The following SGMS1 variants were observed in gnomAD, a reference collection of about 807,000 sequenced individuals.
SGMS1 encodes the protein phosphatidylcholine:ceramide cholinephosphotransferase 1.
A neutral mutation model predicts 46.2 loss-of-function variants in SGMS1; 13 were observed. That is an observed-to-expected ratio of 0.28 (90% CI 0.18 to 0.45). The LOEUF (loss-of-function observed/expected upper bound fraction) is 0.45, where lower values mean the gene tolerates loss of function less well. SGMS1 is among the 20% of genes least tolerant of loss of function. The pLI is 1.00. For synonymous variants in SGMS1, 203 were observed against 187.8 expected, an observed-to-expected ratio of 1.08 and a Z score of -0.66; for missense variants, 324 against 519.9, an observed-to-expected ratio of 0.62 and a Z score of 3.66.
intron 5 of SGMS1, among the ~76,000 whole-genome samples, chr10:50,443,462 G>GA (rs1849570891): frequency 6.6e-6 from 1 of 151,776 alleles, no homozygotes; most frequent in South Asian, 2.1e-4. Flanking sequence ...CATCTCATTC[G>GA]AAACAGGTGT....
intron 8 of SGMS1, among the ~76,000 whole-genome samples, chr10:50,325,400 T>C (rs796400780): frequency 1.6e-4 from 25 of 152,352 alleles, no homozygotes; most frequent in African/African-American, 6.0e-4. Context: ...TTTCACCTCC[T>C]ACTGTTTAAG....
At chr10:50,364,413 A>G (rs1848302270) in intron 6 of SGMS1, among the ~76,000 whole-genome samples, 1 of 152,180 alleles carries the variant, frequency 6.6e-6, no homozygotes, top group African/African-American at 2.4e-5. Context: ...GATCTTGAAG[A>G]ATGCTCCAGC....
intron 1 of SGMS1, among the ~76,000 whole-genome samples, chr10:50,607,926 A>T (rs1267032497): frequency 6.6e-6 from 1 of 152,212 alleles, no homozygotes; most frequent in Non-Finnish European, 1.5e-5. Flanking sequence ...AACTAAACAA[A>T]TAAGTAAAGG....
At chr10:50,314,353 C>T (rs1170013088) in intron 8 of SGMS1, among the ~76,000 whole-genome samples, 1 of 152,066 alleles carries the variant, frequency 6.6e-6, no homozygotes, top group East Asian at 1.9e-4. Context: ...GAGCAGGCCA[C>T]GAAACAGATA....
intron 2 of SGMS1, among the ~76,000 whole-genome samples, chr10:50,556,132 C>T (rs1201677864): frequency 3.3e-5 from 5 of 152,194 alleles, no homozygotes; most frequent in Non-Finnish European, 5.9e-5. Flanking sequence ...TCCATGACAA[C>T]AGCCTCCTAA....
At chr10:50,382,103 T>A (rs1848615412) in intron 6 of SGMS1, among the ~76,000 whole-genome samples, 1 of 152,180 alleles carries the variant, frequency 6.6e-6, no homozygotes, top group Non-Finnish European at 1.5e-5. Context: ...TACACATATA[T>A]CTCTTTTATA....
At position 50,541,503 on chromosome 10, in the gene SGMS1, C is replaced by G. The variant is rs368892445; in HGVS notation, c.-588-21582G>C. ...AATTTTACCATCCAGGCTCTGTCTT[C>G]ATGATGACTCGAGCTCTTCCCTGAA... On this transcript the variant is annotated intron_variant, in intron 2 of 10. Transcript: ENST00000361781. Among the ~76,000 whole-genome samples, 38 of 152,326 alleles carry G rather than the reference C, an allele frequency of 2.5e-4. No homozygotes were observed. In the South Asian group the frequency reaches 7.0e-3, roughly 28 times the overall value.
At chr10:50,592,326 T>C (rs1442567536) in intron 1 of SGMS1, among the ~76,000 whole-genome samples, 1 of 152,218 alleles carries the variant, frequency 6.6e-6, no homozygotes, top group Non-Finnish European at 1.5e-5. Context: ...TGGATTAGAA[T>C]GTAATCGTTG....
intron 8 of SGMS1, among the ~76,000 whole-genome samples, 192 bp from the exon 9 acceptor site, chr10:50,311,607 A>G (rs923604329): frequency 4.6e-5 from 7 of 152,158 alleles, no homozygotes; most frequent in Non-Finnish European, 8.8e-5. Flanking sequence ...TGGTCCTACA[A>G]ATGAATCACG....
At chr10:50,525,751 A>G (rs3011777) in intron 2 of SGMS1, among the ~76,000 whole-genome samples, 57,140 of 152,094 alleles carry the variant, frequency 0.38, 12,877 homozygotes, top group Non-Finnish European at 0.51. Context: ...GCTATGAGCA[A>G]TGGATAGCAT....
At position 50,434,800 on chromosome 10, in the gene SGMS1, C is replaced by T. The variant is rs371423423; in HGVS notation, c.-312-1244G>A. ...CTCAGGAGGCTGAGGCAGAGAATGA[C>T]GTGAACCCGGGAGGCGGAGTTTGCA... On this transcript the variant is annotated intron_variant, in intron 5 of 10. Coordinates refer to ENST00000361781, the MANE Select transcript of SGMS1 (RefSeq NM_147156.4). 2.6e-4 allele frequency among the ~76,000 whole-genome samples: 38 copies of T among 148,600 alleles called. No homozygotes were observed. The East Asian group carries it at 3.0e-3, about 12-fold the overall frequency.
intron 2 of SGMS1, among the ~76,000 whole-genome samples, chr10:50,564,769 A>C (rs538438607): frequency 6.6e-6 from 1 of 150,800 alleles, no homozygotes; most frequent in African/African-American, 2.5e-5. Context: ...TTTTATTTTT[A>C]TTTTTATTTA....
chr10:50,578,045 T>C (rs1346965588), intron 2 of SGMS1, among the ~76,000 whole-genome samples: 3 of 152,212 alleles, frequency 2.0e-5, no homozygotes, highest in African/African-American at 7.2e-5. Context: ...ACTGAGCTTA[T>C]CACCTCAAGG....
At chr10:50,381,145 AAAACAAAC>A (rs1053399823) in intron 6 of SGMS1, among the ~76,000 whole-genome samples, 1 of 152,032 alleles carries the variant, frequency 6.6e-6, no homozygotes, top group African/African-American at 2.4e-5. Context: ...GCTGTTAAAG[AAAACAAAC>A]AAACAAACAA....
intron 6 of SGMS1, among the ~76,000 whole-genome samples, chr10:50,375,379 G>A (rs574633204): frequency 9.8e-4 from 150 of 152,298 alleles, no homozygotes; most frequent in African/African-American, 3.5e-3. Context: ...CATCAAACTT[G>A]ATGTAGAGAG....
At chr10:50,328,228 A>G (rs1381207756) in intron 7 of SGMS1, 2 of 236,932 alleles carry the variant, frequency 8.4e-6, no homozygotes, top group Non-Finnish European at 1.7e-5. Flanking sequence ...GTATTTTTGA[A>G]CAAGAACATT....
chr10:50,354,665 TG>T (rs1475340801), intron 6 of SGMS1, among the ~76,000 whole-genome samples: 2 of 152,088 alleles, frequency 1.3e-5, no homozygotes, highest in African/African-American at 4.8e-5. Flanking sequence ...ACCTACAGAA[TG>T]GGAGAAAAGT....
intron 6 of SGMS1, among the ~76,000 whole-genome samples, chr10:50,416,460 A>T (rs1410374200): frequency 1.3e-5 from 2 of 152,226 alleles, no homozygotes; most frequent in Non-Finnish European, 2.9e-5. Flanking sequence ...CTTTTATACA[A>T]CTATTAGGTG....
chr10:50,495,341 T>C (rs1000139774), intron 3 of SGMS1, among the ~76,000 whole-genome samples: 2 of 151,004 alleles, frequency 1.3e-5, no homozygotes, highest in African/African-American at 4.9e-5. Context: ...TTCTCTGAAA[T>C]AAAATTTGGC....
Sources: allele counts gnomAD v4.1 joint callset (sites outside exome capture counted in the v4.1 genomes callset), GRCh38; gene constraint gnomAD v4.1.1; transcripts MANE v1.5; gene names NCBI Gene and HGNC (gene_info 2026-07-23, HGNC 2026-07-21).